KIZ: variants seen among roughly 807,000 people sequenced by gnomAD.
The protein encoded by KIZ is centrosomal protein kizuna.
A neutral mutation model predicts 79.6 loss-of-function variants in KIZ; 68 were observed. The ratio of observed to expected loss-of-function variants is 0.85; its 90% CI spans 0.70 to 1.05. The LOEUF (loss-of-function observed/expected upper bound fraction) is 1.05. KIZ is among the 50% of genes least tolerant of loss of function. KIZ has a pLI of 0.00. For synonymous variants in KIZ, 280 were observed against 281.8 expected (o/e 0.99, Z 0.06); for missense variants, 797 against 800.4 (o/e 1.00, Z 0.05).
At chr20:21,211,707 G>A (rs2036074810) in intron 7 of KIZ, among the ~76,000 whole-genome samples, 1 of 152,206 alleles carries the variant, frequency 6.6e-6, no homozygotes. Context: ...AACTCCTTCA[G>A]ATTGGAGGTT....
intron 1 of KIZ, among the ~76,000 whole-genome samples, chr20:21,127,954 A>G (rs2031588995): frequency 6.6e-6 from 1 of 152,268 alleles, no homozygotes; most frequent in Admixed American, 6.5e-5. Flanking sequence ...TTTGCAAAGC[A>G]ATGTGTAAAG....
At chr20:21,236,509 A>G (rs966908976) in intron 11 of KIZ, among the ~76,000 whole-genome samples, 2 of 152,170 alleles carry the variant, frequency 1.3e-5, no homozygotes, top group Non-Finnish European at 2.9e-5. Flanking sequence ...TCAGCCTTCT[A>G]ATAAGACTCC....
chr20:21,146,649 A>C (rs540978592), intron 4 of KIZ, among the ~76,000 whole-genome samples: 13 of 152,338 alleles, frequency 8.5e-5, no homozygotes, highest in African/African-American at 2.4e-4. Flanking sequence ...GGCTGCCAGT[A>C]AATGTTATTA....
chr20:21,137,748 A>G (rs1381197920), intron 3 of KIZ, among the ~76,000 whole-genome samples: 1 of 151,952 alleles, frequency 6.6e-6, no homozygotes, highest in Admixed American at 6.6e-5. Flanking sequence ...TAATCATACC[A>G]TTATCACGTC....
intron 6 of KIZ, among the ~76,000 whole-genome samples, chr20:21,179,909 T>G (rs1249666867): frequency 3.3e-5 from 5 of 152,238 alleles, no homozygotes; most frequent in Non-Finnish European, 7.3e-5. Context: ...TTCATTCCAT[T>G]TCATCAGAGA....
intron 6 of KIZ, among the ~76,000 whole-genome samples, chr20:21,170,884 C>G (rs186562491): frequency 1.3e-3 from 196 of 152,320 alleles, no homozygotes; most frequent in Non-Finnish European, 2.2e-3. Flanking sequence ...GTTTGTCTTT[C>G]TGTGCCTGGC....
chr20:21,222,533 A>G (rs563133634), intron 9 of KIZ, among the ~76,000 whole-genome samples: 3 of 152,224 alleles, frequency 2.0e-5, no homozygotes, highest in African/African-American at 7.2e-5. Flanking sequence ...TTTTAATAAA[A>G]TGAGGGGTTG....
chr20:21,161,475 G>T (rs2033650872), intron 4 of KIZ, among the ~76,000 whole-genome samples: 1 of 95,970 alleles, frequency 1.0e-5, no homozygotes, highest in African/African-American at 2.8e-5. Context: ...AGGATCACAG[G>T]CACCTGCCAC....
chr20:21,227,048 C>A (rs2036679791), intron 9 of KIZ, among the ~76,000 whole-genome samples: 1 of 152,192 alleles, frequency 6.6e-6, no homozygotes, highest in African/African-American at 2.4e-5. Flanking sequence ...AAGGGCTCAT[C>A]TTTTCCAGAG....
chr20:21,192,838 C>T, intron 6 of KIZ, among the ~76,000 whole-genome samples: 1 of 152,058 alleles, frequency 6.6e-6, no homozygotes, highest in Non-Finnish European at 1.5e-5. Flanking sequence ...ATACAGTGGC[C>T]TGGGACAAAG....
chr20:21,139,745 G>T (rs1199427452), intron 3 of KIZ, among the ~76,000 whole-genome samples: 1 of 152,038 alleles, frequency 6.6e-6, no homozygotes, highest in Admixed American at 6.6e-5. Context: ...AACCTTGTAT[G>T]AGCTGCTTAA....
chr20:21,215,935 G>A (rs2036269542), intron 9 of KIZ, among the ~76,000 whole-genome samples: 1 of 152,102 alleles, frequency 6.6e-6, no homozygotes, highest in Non-Finnish European at 1.5e-5. Context: ...CTGTAAAAAG[G>A]TCCATCTCCC....
rs560115615 is a variant in KIZ at position 21,214,826 on chromosome 20, G to A, written c.1612+126G>A. ...CTCTGATTTTAATATGCATAATATAGTATTTGTTTTATACCACCTTCCAAT... is the reference window on the plus strand; with the variant it reads ...CTCTGATTTTAATATGCATAATATAATATTTGTTTTATACCACCTTCCAAT... On this transcript the variant is annotated intron_variant, in intron 8 of 12. Transcript: ENST00000619189. 71 of 520,154 alleles carry A rather than the reference G, an allele frequency of 1.4e-4. No individual in the cohort carries two copies. In the South Asian group the frequency reaches 2.4e-3, roughly 18 times the overall value. The allele number at this position is 520,154 out of a possible 1,614,324, so 32.2% of individuals were successfully genotyped here.
chr20:21,132,771 C>G (rs2031934988), intron 2 of KIZ, among the ~76,000 whole-genome samples: 1 of 151,986 alleles, frequency 6.6e-6, no homozygotes, highest in African/African-American at 2.4e-5. Flanking sequence ...AAGACATAGC[C>G]TTATCTTTTT....
chr20:21,145,739 T>C (rs1024034984), intron 4 of KIZ, 85 bp downstream of exon 4: 1 of 557,184 alleles, frequency 1.8e-6, no homozygotes, highest in Non-Finnish European at 3.1e-6. Flanking sequence ...AATAAAATCA[T>C]CTTATTAGGA....
At chr20:21,136,887 C>T (rs1271721936) in intron 3 of KIZ, among the ~76,000 whole-genome samples, 2 of 152,160 alleles carry the variant, frequency 1.3e-5, no homozygotes, top group Non-Finnish European at 2.9e-5. Context: ...TAAGTATCAG[C>T]TTTTTCTGTG....
At chr20:21,170,978 G>A (rs183720052) in intron 6 of KIZ, among the ~76,000 whole-genome samples, 6 of 152,292 alleles carry the variant, frequency 3.9e-5, no homozygotes, top group African/African-American at 1.4e-4. Context: ...GGCTAAATAG[G>A]TAAGTCTATG....
chr20:21,190,376 A>T (rs2035059253), intron 6 of KIZ, among the ~76,000 whole-genome samples: 1 of 152,234 alleles, frequency 6.6e-6, no homozygotes, highest in Non-Finnish European at 1.5e-5. Context: ...CTGTAAAAGG[A>T]TTAGCGCTAG....
At chr20:21,215,811 A>C (rs963353918) in intron 9 of KIZ, among the ~76,000 whole-genome samples, 163 bp downstream of exon 9, 1 of 152,214 alleles carries the variant, frequency 6.6e-6, no homozygotes, top group Non-Finnish European at 1.5e-5. Context: ...ATATATACTT[A>C]TGTTAACATA....
Sources: allele counts gnomAD v4.1 joint callset (sites outside exome capture counted in the v4.1 genomes callset), GRCh38; gene constraint gnomAD v4.1.1; transcripts MANE v1.5; gene names NCBI Gene and HGNC (gene_info 2026-07-23, HGNC 2026-07-21).